CTNNB1: variants seen among roughly 807,000 people sequenced by gnomAD.
CTNNB1 encodes the protein catenin beta-1.
A neutral mutation model predicts 82.5 loss-of-function variants in CTNNB1; 6 were observed. The observed-to-expected ratio is 0.07, with a 90% CI of 0.04 to 0.14. The LOEUF (loss-of-function observed/expected upper bound fraction) is 0.14. Among genes scored for constraint, CTNNB1 ranks in the 10% least tolerant of loss-of-function variants. The pLI is 1.00. For synonymous variants in CTNNB1, 312 were observed against 329.7 expected, an observed-to-expected ratio of 0.95 and a Z score of 0.58; for missense variants, 529 against 980.4, an observed-to-expected ratio of 0.54 and a Z score of 6.15.
At chr3:41,206,764 A>G (rs1052788236) in intron 1 of CTNNB1, among the ~76,000 whole-genome samples, 7 of 151,862 alleles carry the variant, frequency 4.6e-5, no homozygotes, top group Non-Finnish European at 1.0e-4. Context: ...TCTTGGAAAT[A>G]TTTTTCAATC....
chr3:41,227,365 A>G lies in CTNNB1; in HGVS notation c.1081+13A>G, dbSNP rs746235623. Reference sequence around the variant, plus strand: ...ATTGTAGAAGCTGGTAAGTATATGTATCTATTCTGAGTCTTGTGTATAGCA... The same window carrying G: ...ATTGTAGAAGCTGGTAAGTATATGTGTCTATTCTGAGTCTTGTGTATAGCA... On this transcript the variant is annotated intron_variant, in intron 7 of 14. Transcript: ENST00000349496. 9.9e-6 allele frequency: 16 copies of G among 1,613,296 alleles called. No homozygotes were observed. Among genetic ancestry groups the G allele is most frequent in the Middle Eastern group, 1.6e-4 (1 of 6,080 alleles).
intron 1 of CTNNB1, among the ~76,000 whole-genome samples, chr3:41,218,177 C>T (rs2077957545): frequency 6.6e-6 from 1 of 151,968 alleles, no homozygotes; most frequent in Non-Finnish European, 1.5e-5. Flanking sequence ...GAATTACAAG[C>T]CCATTTCTCC....
At chr3:41,202,297 T>TGTACTTTGAGCTTAGTCGGAA (rs1382505180) in intron 1 of CTNNB1, among the ~76,000 whole-genome samples, 1 of 152,198 alleles carries the variant, frequency 6.6e-6, no homozygotes, top group Non-Finnish European at 1.5e-5. Flanking sequence ...GTTTTAAGTT[T>TGTACTTTGAGCTTAGTCGGAA]GTACTTTGAG....
At chr3:41,212,605 A>G in intron 1 of CTNNB1, among the ~76,000 whole-genome samples, 1 of 152,192 alleles carries the variant, frequency 6.6e-6, no homozygotes, top group East Asian at 1.9e-4. Flanking sequence ...TTTCTGAGAC[A>G]GTGGAAATGT....
intron 13 of CTNNB1, chr3:41,237,302 C>T (rs2078458033): frequency 6.2e-6 from 1 of 160,702 alleles, no homozygotes. Context: ...TAAGATCAGC[C>T]TGGGCAACAT....
chr3:41,203,035 CTTT>C lies in CTNNB1; in HGVS notation c.-49+3383_-49+3385del, dbSNP rs34745712. Reference sequence around the variant, plus strand: ...GGAACCCATTTTTAGGGTTTAGCCACTTTTTTTTTTTTTTTTTTTTAACTCATG... The same window carrying C: ...GGAACCCATTTTTAGGGTTTAGCCACTTTTTTTTTTTTTTTTTAACTCATG... On this transcript the variant is annotated intron_variant, in intron 1 of 14. Coordinates refer to ENST00000349496, the MANE Select transcript of CTNNB1 (RefSeq NM_001904.4). Among the ~76,000 whole-genome samples the C allele has an allele frequency of 4.4e-3, 608 of 136,734 alleles. 3 individuals are homozygous for C. Among genetic ancestry groups the C allele is most frequent in the Middle Eastern group, 7.4e-3 (2 of 272 alleles). 89.7% of individuals were successfully genotyped at this position (136,734 alleles called of 152,430 possible).
rs79534409 is a variant in CTNNB1 at position 41,237,718 on chromosome 3, T to A, written c.2077-298T>A. On this transcript the variant is annotated intron_variant, in intron 13 of 14. Coordinates refer to ENST00000349496, the MANE Select transcript of CTNNB1 (RefSeq NM_001904.4). ...TTGCCTTTTTTTTTTTTTTTTTTTT[T>A]AAACTGCTATATCTCTAGCATGTAG... The A allele has an allele frequency of 2.0e-4, 32 of 157,086 alleles. No homozygotes were observed. In the Middle Eastern group the frequency reaches 8.3e-3, roughly 41 times the overall value. 9.7% of individuals were successfully genotyped at this position (157,086 alleles called of 1,614,324 possible). A position where few individuals can be genotyped will look rare whatever the true frequency, so the allele number is the denominator to read the frequency against.
At chr3:41,236,863 A>C in intron 13 of CTNNB1, 154 bp downstream of exon 13, 1 of 897,726 alleles carries the variant, frequency 1.1e-6, no homozygotes, top group Non-Finnish European at 1.8e-6. Context: ...AACTGCTCTG[A>C]GGAAGAACTA....
chr3:41,236,924 T>G (rs2078450716), intron 13 of CTNNB1: 2 of 615,514 alleles, frequency 3.2e-6, no homozygotes, highest in Non-Finnish European at 5.6e-6. Flanking sequence ...TAAGTTGTGT[T>G]ATTTAAAATT....
intron 7 of CTNNB1, among the ~76,000 whole-genome samples, chr3:41,232,161 G>C (rs1001988954): frequency 1.3e-5 from 2 of 152,016 alleles, no homozygotes; most frequent in African/African-American, 4.8e-5. Context: ...TAGAACTGCT[G>C]AATCAGAATG....
chr3:41,215,424 A>G (rs953935180), intron 1 of CTNNB1, among the ~76,000 whole-genome samples: 19 of 150,914 alleles, frequency 1.3e-4, no homozygotes, highest in Middle Eastern at 6.8e-3. Context: ...GTTATAAATA[A>G]TTGTTGTTAG....
chr3:41,214,947 CAA>C (rs776903527), intron 1 of CTNNB1, among the ~76,000 whole-genome samples: 6 of 152,242 alleles, frequency 3.9e-5, no homozygotes, highest in Admixed American at 1.3e-4. Context: ...GTAGTTGTGA[CAA>C]AGAGTTTATG....
chr3:41,239,192 C>A lies in CTNNB1; in HGVS notation c.2196C>A (p.Asp732Glu), dbSNP rs772033082. The part of the protein sequence containing the change: ...GGYGQDALGM[D>E]PMMEHEMGGH... Reference sequence around the variant, plus strand: ...ATGGCCAGGATGCCTTGGGTATGGACCCCATGATGGAACATGAGATGGGTG... The same window carrying A: ...ATGGCCAGGATGCCTTGGGTATGGAACCCATGATGGAACATGAGATGGGTG... The change falls in exon 15 of 15, where the codon GAC becomes GAA. Residue 732 changes from aspartate (D) to glutamate (E), a missense_variant. By Grantham distance (45) the Asp-to-Glu change is conservative. Transcript: ENST00000349496. The A allele has an allele frequency of 6.2e-7, 1 of 1,614,148 alleles. No homozygotes were observed. The highest frequency in any genetic ancestry group is 1.7e-5 in the Admixed American group (1 of 60,020).
At position 41,227,315 on chromosome 3, in the gene CTNNB1, T is replaced by G. The variant is rs1484246095; in HGVS notation, c.1044T>G (p.Ser348=). The G allele has an allele frequency of 2.5e-6, 4 of 1,614,004 alleles. No individual in the cohort carries two copies. The highest frequency in any genetic ancestry group is 3.4e-6 in the Non-Finnish European group (4 of 1,179,886). ...WTTSRVLKVL[S]VCSSNKPAIV... is the part of the protein sequence containing the mutation. ...CAAGCAGAGTGCTGAAGGTGCTATCTGTCTGCTCTAGTAATAAGCCGGCTA... is the reference window on the plus strand; with the variant it reads ...CAAGCAGAGTGCTGAAGGTGCTATCGGTCTGCTCTAGTAATAAGCCGGCTA... Residue 348 remains serine, a synonymous_variant, in exon 7 of 15, where the codon TCT becomes TCG. Transcript: ENST00000349496.
rs1207330730 is a variant in CTNNB1 at position 41,239,986 on chromosome 3, C to CTTTTTTTTTTTTTTTTTTTTT, written c.*649_*669dup. 1.6e-4 allele frequency: 5 copies of CTTTTTTTTTTTTTTTTTTTTT among 30,588 alleles called. No homozygotes were observed. Among genetic ancestry groups the CTTTTTTTTTTTTTTTTTTTTT allele is most frequent in the Non-Finnish European group, 2.7e-4 (4 of 14,786 alleles). 1.9% of individuals were successfully genotyped at this position (30,588 alleles called of 1,614,324 possible). A position where few individuals can be genotyped will look rare whatever the true frequency, so the allele number is the denominator to read the frequency against. On this transcript the variant is annotated 3_prime_UTR_variant, in exon 15 of 15. Transcript: ENST00000349496. ...TGACTTTGCTTGCTTTGAAGTAGCT[C>CTTTTTTTTTTTTTTTTTTTTT]TTTTTTTTTTTTTTTTTTTTTTTTT...
At position 41,224,623 on chromosome 3, in the gene CTNNB1, T is replaced by C. The variant is rs1190524500; in HGVS notation, c.111T>C (p.Ser37=). 1 of 1,613,874 alleles carries C rather than the reference T, an allele frequency of 6.2e-7. No individual in the cohort carries two copies. The highest frequency in any genetic ancestry group is 8.5e-7 in the Non-Finnish European group (1 of 1,179,974). Residue 37 remains serine, a synonymous_variant, in exon 3 of 15, where the codon TCT becomes TCC. Transcript: ENST00000349496. Reference sequence around the variant, plus strand: ...CTTACCTGGACTCTGGAATCCATTCTGGTGCCACTACCACAGCTCCTTCTC... The same window carrying C: ...CTTACCTGGACTCTGGAATCCATTCCGGTGCCACTACCACAGCTCCTTCTC... ...QQSYLDSGIH[S]GATTTAPSLS... is the part of the protein sequence containing the mutation.
At chr3:41,228,329 C>T (rs892843147) in intron 7 of CTNNB1, among the ~76,000 whole-genome samples, 6 of 152,302 alleles carry the variant, frequency 3.9e-5, no homozygotes, top group African/African-American at 1.2e-4. Context: ...AATTTACTTT[C>T]CCACCAGCAG....
intron 1 of CTNNB1, chr3:41,220,562 A>G (rs2078023899): frequency 6.6e-6 from 1 of 152,192 alleles, no homozygotes; most frequent in Admixed American, 6.5e-5. Flanking sequence ...ATGGCAAAGT[A>G]TTACTGGTGA....
chr3:41,229,949 C>G (rs1275711250), intron 7 of CTNNB1, among the ~76,000 whole-genome samples: 1 of 150,096 alleles, frequency 6.7e-6, no homozygotes, highest in African/African-American at 2.5e-5. Flanking sequence ...ATTTTTTCTC[C>G]TTTCAGTAAC....
Sources: allele counts gnomAD v4.1 joint callset (sites outside exome capture counted in the v4.1 genomes callset), GRCh38; gene constraint gnomAD v4.1.1; transcripts MANE v1.5; gene names NCBI Gene and HGNC (gene_info 2026-07-23, HGNC 2026-07-21).